The following GLT1D1 variants were observed in gnomAD, a reference collection of about 807,000 sequenced individuals.
The protein encoded by GLT1D1 is glycosyltransferase 1 domain-containing protein 1.
In GLT1D1, 21 loss-of-function variants were observed where a neutral mutation model predicts 28.7. The ratio of observed to expected loss-of-function variants is 0.73; its 90% CI spans 0.52 to 1.05. The LOEUF (loss-of-function observed/expected upper bound fraction) is 1.05, where lower values mean the gene tolerates loss of function less well. GLT1D1 is among the 50% of genes least tolerant of loss of function. The pLI is 0.00. For missense variants in GLT1D1, 343 were observed against 330.6 expected, an observed-to-expected ratio of 1.04 and a Z score of -0.29; for synonymous variants, 147 against 124.8, an observed-to-expected ratio of 1.18 and a Z score of -1.19.
chr12:128,963,951 T>C (rs1263085806), intron 7 of GLT1D1, among the ~76,000 whole-genome samples: 1 of 152,194 alleles, frequency 6.6e-6, no homozygotes, highest in East Asian at 1.9e-4. Flanking sequence ...CAGAATACTA[T>C]AGACTGGGGG....
At chr12:128,854,767 G>A (rs1445383065) in intron 1 of GLT1D1, among the ~76,000 whole-genome samples, 1 of 152,116 alleles carries the variant, frequency 6.6e-6, no homozygotes, top group African/African-American at 2.4e-5. Context: ...ACAGTGCTGG[G>A]TTTACAGGTA....
At chr12:128,907,072 C>T in intron 4 of GLT1D1, 1 of 652,698 alleles carries the variant, frequency 1.5e-6, no homozygotes, top group East Asian at 2.8e-5. Context: ...CTTATTACTT[C>T]TCCCTCTTCC....
chr12:128,973,935 T>TGTGG (rs1555221932), intron 7 of GLT1D1, among the ~76,000 whole-genome samples: 1 of 86,368 alleles, frequency 1.2e-5, no homozygotes, highest in Non-Finnish European at 2.4e-5. Flanking sequence ...TGTGTGTGTG[T>TGTGG]AGGGTGTGTG....
At chr12:128,976,494 C>T (rs533987215) in intron 7 of GLT1D1, among the ~76,000 whole-genome samples, 1 of 152,370 alleles carries the variant, frequency 6.6e-6, no homozygotes, top group Non-Finnish European at 1.5e-5. Context: ...ACGACGGCGG[C>T]CTGCGCCAGC....
rs35487977 is a variant in GLT1D1 at position 128,869,939 on chromosome 12, A to ATTTTTT, written c.69-5963_69-5958dup. The stretch of plus-strand genomic sequence containing the variant: ...AAAAAAGAGTTCCTGTGTGTATTCT[A>ATTTTTT]TTTTTTTTTTTTTTTTTGAGGCAGA... On this transcript the variant is annotated intron_variant, in intron 1 of 7. Coordinates refer to ENST00000281703, the MANE Select transcript of GLT1D1 (RefSeq NM_144669.3). Among the ~76,000 whole-genome samples, 842 of 125,210 alleles carry ATTTTTT rather than the reference A, an allele frequency of 6.7e-3. 9 individuals carry two copies. Among genetic ancestry groups the ATTTTTT allele is most frequent in the African/African-American group, 0.023 (789 of 34,266 alleles). 82.1% of individuals were successfully genotyped at this position (125,210 alleles called of 152,430 possible). A position where few individuals can be genotyped will look rare whatever the true frequency, so the allele number is the denominator to read the frequency against.
intron 1 of GLT1D1, among the ~76,000 whole-genome samples, chr12:128,860,010 A>G (rs1286682413): frequency 1.3e-5 from 2 of 152,198 alleles, no homozygotes; most frequent in East Asian, 1.9e-4. Context: ...TCTTCAGTAT[A>G]AAGTGTTCAG....
intron 1 of GLT1D1, among the ~76,000 whole-genome samples, chr12:128,860,022 G>C (rs1041431265): frequency 6.6e-6 from 1 of 152,162 alleles, no homozygotes; most frequent in Non-Finnish European, 1.5e-5. Flanking sequence ...AGTGTTCAGG[G>C]TGTGTAAGTT....
At chr12:128,937,706 C>T (rs1350502868) in intron 4 of GLT1D1, among the ~76,000 whole-genome samples, 1 of 152,058 alleles carries the variant, frequency 6.6e-6, no homozygotes, top group African/African-American at 2.4e-5. Context: ...GGGGTGGTTA[C>T]CCTCACGCTG....
intron 4 of GLT1D1, among the ~76,000 whole-genome samples, chr12:128,924,030 G>T (rs371527211): frequency 6.6e-6 from 1 of 151,946 alleles, no homozygotes. Context: ...ATGTGTGTCC[G>T]CTGGGCTCAC....
chr12:128,857,882 G>T (rs1229476652), intron 1 of GLT1D1, among the ~76,000 whole-genome samples: 1 of 152,198 alleles, frequency 6.6e-6, no homozygotes, highest in Non-Finnish European at 1.5e-5. Context: ...GTATTGGCCT[G>T]GGAAGCACAG....
At chr12:128,917,502 T>C (rs1872220060) in intron 4 of GLT1D1, among the ~76,000 whole-genome samples, 1 of 152,104 alleles carries the variant, frequency 6.6e-6, no homozygotes, top group African/African-American at 2.4e-5. Flanking sequence ...GGTCTTCAAC[T>C]CCTGAGCTCA....
At chr12:128,938,444 A>G (rs979018031) in intron 4 of GLT1D1, among the ~76,000 whole-genome samples, 1 of 152,210 alleles carries the variant, frequency 6.6e-6, no homozygotes, top group Non-Finnish European at 1.5e-5. Flanking sequence ...TGACTTAGTG[A>G]CCTCAGGGAT....
At chr12:128,969,563 G>A (rs931104907) in intron 7 of GLT1D1, among the ~76,000 whole-genome samples, 2 of 152,112 alleles carry the variant, frequency 1.3e-5, no homozygotes, top group African/African-American at 2.4e-5. Context: ...GCCAGGACGC[G>A]GGTGAGCCAC....
At chr12:128,918,617 C>T (rs1349116268) in intron 4 of GLT1D1, among the ~76,000 whole-genome samples, 1 of 152,188 alleles carries the variant, frequency 6.6e-6, no homozygotes, top group Non-Finnish European at 1.5e-5. Flanking sequence ...TCAATCTCAG[C>T]CACACTAGCA....
intron 4 of GLT1D1, among the ~76,000 whole-genome samples, chr12:128,928,808 A>G (rs1316749482): frequency 6.6e-6 from 1 of 151,724 alleles, no homozygotes; most frequent in Admixed American, 6.6e-5. Context: ...TTTAGTAGGG[A>G]CGGGGGTTTT....
intron 7 of GLT1D1, among the ~76,000 whole-genome samples, chr12:128,982,724 G>A (rs576500058): frequency 4.0e-5 from 6 of 150,424 alleles, no homozygotes; most frequent in Middle Eastern, 6.8e-3. Context: ...GTATGTGTGC[G>A]TGTGTGTGTG....
rs569855333 is a variant in GLT1D1, at chr12:128,902,399, C to T, written c.375+3112C>T. Among the ~76,000 whole-genome samples the T allele has an allele frequency of 5.3e-5, 8 of 150,412 alleles. No homozygotes were observed. The South Asian group carries it at 6.3e-4, about 12-fold the overall frequency. On this transcript the variant is annotated intron_variant, in intron 4 of 7. Coordinates refer to ENST00000281703, the MANE Select transcript of GLT1D1 (RefSeq NM_144669.3). ...TTTCGGGAGGCTGAGGCAGGAGAAT[C>T]GCTTGAACCCAGAAGGTGGAGGTTG...
intron 3 of GLT1D1, among the ~76,000 whole-genome samples, chr12:128,897,108 G>T (rs1268734228): frequency 2.6e-5 from 4 of 152,124 alleles, no homozygotes; most frequent in Non-Finnish European, 4.4e-5. Context: ...TATATGTGAT[G>T]CAATTCTTTC....
At chr12:128,906,845 A>G (rs746870403) in intron 4 of GLT1D1, 255 of 698,462 alleles carry the variant, frequency 3.7e-4, no homozygotes, top group Middle Eastern at 1.9e-3. Context: ...GGCAAAACCT[A>G]AAGTGTAATT....
Sources: gnomAD v4.1 joint callset for allele counts (sites outside exome capture counted in the v4.1 genomes callset) on GRCh38, gnomAD v4.1.1 for gene constraint, MANE v1.5 for transcripts, NCBI Gene and HGNC (gene_info 2026-07-23, HGNC 2026-07-21) for gene names.